HIRA: variants seen among roughly 807,000 people sequenced by gnomAD.
The protein encoded by HIRA is protein HIRA.
HIRA carries 13 observed loss-of-function variants against 126.6 expected under a neutral mutation model. That is an observed-to-expected ratio of 0.10 (90% confidence interval 0.07 to 0.16). The LOEUF (loss-of-function observed/expected upper bound fraction) is 0.16. Ranked by LOEUF, HIRA falls within the 10% of genes least tolerant of loss-of-function variation. The pLI is 1.00. For missense variants in HIRA, 834 were observed against 1,314.4 expected (o/e 0.63, Z 5.65); for synonymous variants, 511 against 520.0 (o/e 0.98, Z 0.24).
At chr22:19,401,981 G>C (rs896792994) in intron 5 of HIRA, among the ~76,000 whole-genome samples, 1 of 152,110 alleles carries the variant, frequency 6.6e-6, no homozygotes, top group Non-Finnish European at 1.5e-5. Flanking sequence ...CCCCGCCCCA[G>C]CTCCCAGGGG....
Position 19,331,566 on chromosome 22 carries a change from CAG to C in HIRA, c.2938-12_2938-11del, listed in dbSNP as rs782555243. 5 of 1,581,370 alleles carry C rather than the reference CAG, an allele frequency of 3.2e-6. No homozygotes were observed. The South Asian group carries it at 4.6e-5, about 15-fold the overall frequency. ...CCCTCTTCCGCAGACCCTGTGGACA[CAG>C]AGTGACAGCTGAGTGCAAGTGTCAG... is the stretch of plus-strand genomic sequence containing the variant. On this transcript the variant is annotated splice_polypyrimidine_tract_variant and intron_variant, in intron 24 of 24. Coordinates refer to ENST00000263208, the MANE Select transcript of HIRA (RefSeq NM_003325.4).
chr22:19,334,250 C>T (rs2088535250), intron 24 of HIRA, among the ~76,000 whole-genome samples: 6 of 149,756 alleles, frequency 4.0e-5, no homozygotes, highest in Admixed American at 4.0e-4. Flanking sequence ...GCTGGGATTA[C>T]AGGCATGAGC....
At chr22:19,383,751 C>T (rs776454038) in intron 12 of HIRA, 46 bp from the exon 13 acceptor site, 2 of 1,430,866 alleles carry the variant, frequency 1.4e-6, no homozygotes, top group Admixed American at 1.7e-5. Flanking sequence ...TTTTGGCCAA[C>T]TATTTCCAAA....
chr22:19,393,502 C>T (rs2089198997), intron 8 of HIRA, among the ~76,000 whole-genome samples: 1 of 152,104 alleles, frequency 6.6e-6, no homozygotes, highest in African/African-American at 2.4e-5. Flanking sequence ...GGATTACAGG[C>T]GCATGACACC....
intron 24 of HIRA, among the ~76,000 whole-genome samples, chr22:19,347,093 A>G (rs1377182817): frequency 6.6e-6 from 1 of 152,124 alleles, no homozygotes; most frequent in Non-Finnish European, 1.5e-5. Flanking sequence ...AAGCTCCACA[A>G]CCTGCCCATG....
chr22:19,374,240 A>G (rs944126686), intron 15 of HIRA, among the ~76,000 whole-genome samples: 1 of 152,116 alleles, frequency 6.6e-6, no homozygotes, highest in African/African-American at 2.4e-5. Flanking sequence ...AGGCTGAAGC[A>G]GGGGAATCAA....
chr22:19,385,080 G>C (rs184138954), intron 12 of HIRA, among the ~76,000 whole-genome samples: 3 of 152,166 alleles, frequency 2.0e-5, no homozygotes, highest in Non-Finnish European at 2.9e-5. Context: ...GCCTACACAG[G>C]CTCCTGGAGA....
intron 24 of HIRA, among the ~76,000 whole-genome samples, chr22:19,343,413 A>T (rs996383153): frequency 6.6e-6 from 1 of 151,486 alleles, no homozygotes; most frequent in Non-Finnish European, 1.5e-5. Context: ...AAAATAAAAA[A>T]TTTGCCAGGC....
At chr22:19,381,263 T>C (rs1052560220) in intron 13 of HIRA, among the ~76,000 whole-genome samples, 43 of 152,254 alleles carry the variant, frequency 2.8e-4, no homozygotes, top group African/African-American at 1.0e-3. Flanking sequence ...TCATTGCCTA[T>C]GGCAGCTTTT....
Position 19,383,007 on chromosome 22 carries a change from C to T in HIRA, c.1415+613G>A, listed in dbSNP as rs143241756. On this transcript the variant is annotated intron_variant, in intron 13 of 24. Coordinates refer to ENST00000263208, the MANE Select transcript of HIRA (RefSeq NM_003325.4). ...GAGCTCAAAGACTCATTTATAATCA[C>T]GAGAAACTGGACACAAACACAAGTC... Among the ~76,000 whole-genome samples, 1,187 of 152,120 alleles carry T rather than the reference C, an allele frequency of 7.8e-3. 14 individuals carry two copies. The highest frequency in any genetic ancestry group is 0.025 in the African/African-American group (1,025 of 41,466).
chr22:19,346,773 G>A (rs1442043365), intron 24 of HIRA, among the ~76,000 whole-genome samples: 1 of 152,190 alleles, frequency 6.6e-6, no homozygotes, highest in Non-Finnish European at 1.5e-5. Flanking sequence ...AAGCCACCTT[G>A]TAACCATGAG....
intron 19 of HIRA, 82 bp from the exon 20 acceptor site, chr22:19,356,370 C>A (rs1556012554): frequency 2.4e-6 from 3 of 1,235,286 alleles, no homozygotes; most frequent in Non-Finnish European, 3.6e-6. Context: ...GACACCCTGG[C>A]CCTACTGCAT....
chr22:19,375,813 G>A, intron 14 of HIRA, 21 bp from the exon 15 acceptor site: 1 of 1,613,210 alleles, frequency 6.2e-7, no homozygotes, highest in Non-Finnish European at 8.5e-7. Context: ...GAAGAGGGGA[G>A]GCATGTCAAG....
At chr22:19,418,925 AACACACACACAC>A (rs66479451) in intron 1 of HIRA, among the ~76,000 whole-genome samples, 4 of 149,854 alleles carry the variant, frequency 2.7e-5, no homozygotes, top group Non-Finnish European at 3.0e-5. Flanking sequence ...ATAAGAAATA[AACACACACACAC>A]ACACACACAC....
rs941495245 is a variant in HIRA, at chr22:19,398,105, G to A, written c.398-18C>T. The A allele has an allele frequency of 1.3e-6, 2 of 1,592,970 alleles. No individual in the cohort carries two copies. Among genetic ancestry groups the A allele is most frequent in the South Asian group, 2.2e-5 (2 of 90,366 alleles). On this transcript the variant is annotated intron_variant, in intron 5 of 24. Coordinates refer to ENST00000263208, the MANE Select transcript of HIRA (RefSeq NM_003325.4). Reference sequence around the variant, plus strand: ...CATCACATCTGAAAGAAGACAGAGGGTTCTGGTGAGATCTCTTACCTGGTG... The same window carrying A: ...CATCACATCTGAAAGAAGACAGAGGATTCTGGTGAGATCTCTTACCTGGTG...
chr22:19,356,123 G>A (rs1168925092), intron 20 of HIRA, 107 bp downstream of exon 20: 7 of 1,066,902 alleles, frequency 6.6e-6, no homozygotes, highest in Non-Finnish European at 8.7e-6. Context: ...CTCACTGAGA[G>A]CCCTGGGCTG....
At chr22:19,364,764 C>T (rs894768356) in intron 15 of HIRA, among the ~76,000 whole-genome samples, 1 of 152,132 alleles carries the variant, frequency 6.6e-6, no homozygotes, top group East Asian at 1.9e-4. Context: ...TTAGGCCAAT[C>T]GATAACCCTA....
At chr22:19,417,009 G>T (rs1311298871) in intron 1 of HIRA, among the ~76,000 whole-genome samples, 6 of 151,912 alleles carry the variant, frequency 3.9e-5, no homozygotes, top group African/African-American at 1.5e-4. Context: ...AGACCAGCCT[G>T]GCCAACATGG....
intron 6 of HIRA, 35 bp from the exon 7 acceptor site, chr22:19,396,982 C>T: frequency 6.2e-7 from 1 of 1,603,806 alleles, no homozygotes; most frequent in Non-Finnish European, 8.5e-7. Context: ...GAGGTGTTGT[C>T]TGAGGGAAAC....
Sources: gnomAD v4.1 joint callset for allele counts (sites outside exome capture counted in the v4.1 genomes callset) on GRCh38, gnomAD v4.1.1 for gene constraint, MANE v1.5 for transcripts, NCBI Gene and HGNC (gene_info 2026-07-23, HGNC 2026-07-21) for gene names.